The following ILDR1 variants were observed in gnomAD, a reference collection of about 807,000 sequenced individuals.
The protein encoded by ILDR1 is immunoglobulin-like domain-containing receptor 1.
ILDR1 carries 56 observed loss-of-function variants against 62.4 expected under a neutral mutation model. The observed-to-expected ratio is 0.90, with a 90% CI of 0.72 to 1.12. The LOEUF (loss-of-function observed/expected upper bound fraction) is 1.12. Ranked by LOEUF, ILDR1 falls within the 50% of genes most tolerant of loss-of-function variation. The pLI is 0.00. For synonymous variants in ILDR1, 284 were observed against 277.8 expected (o/e 1.02, Z -0.22); for missense variants, 736 against 710.6 (o/e 1.04, Z -0.41).
At chr3:122,059,391 G>A in the ILDR1 span, among the ~76,000 whole-genome samples, 1 of 152,024 alleles carries the variant, frequency 6.6e-6, no homozygotes, top group Non-Finnish European at 1.5e-5. Flanking sequence ...GAAAAGTGGT[G>A]TCATAGAAAT....
the ILDR1 span, among the ~76,000 whole-genome samples, chr3:122,051,429 A>G: frequency 6.6e-6 from 1 of 152,110 alleles, no homozygotes; most frequent in East Asian, 1.9e-4. Context: ...CCTCTAGTGA[A>G]TGTTTTAGTT....
intron 1 of ILDR1, among the ~76,000 whole-genome samples, chr3:122,010,035 G>A (rs934971135): frequency 6.6e-6 from 1 of 152,232 alleles, no homozygotes; most frequent in Non-Finnish European, 1.5e-5. Context: ...GAAAGGAAAT[G>A]ATTTAACCTA....
At position 122,005,325 on chromosome 3, in the gene ILDR1, G is replaced by A. The variant is rs747963872; in HGVS notation, c.298C>T (p.Arg100Cys). ...NDCNDNQREVRIVAQRRGQNE... is the reference protein window; with the variant it reads ...NDCNDNQREVCIVAQRRGQNE... ...TGCCCCCGCCGCTGGGCCACTATGC[G>A]AACTTCCCGCTGGTTGTCGTTGCAG... is the stretch of plus-strand genomic sequence containing the variant. Residue 100 changes from arginine to cysteine, a missense_variant, in exon 3 of 8, where the codon CGC (arginine) becomes TGC (cysteine). By Grantham distance (180) the Arg-to-Cys change is radical (BLOSUM62 -3). Transcript: ENST00000344209. The A allele has an allele frequency of 6.2e-6, 10 of 1,613,876 alleles. No individual in the cohort carries two copies. Among genetic ancestry groups the A allele is most frequent in the East Asian group, 2.2e-5 (1 of 44,876 alleles).
At chr3:122,003,406 A>G (rs1196276811) in intron 3 of ILDR1, among the ~76,000 whole-genome samples, 1 of 152,116 alleles carries the variant, frequency 6.6e-6, no homozygotes, top group African/African-American at 2.4e-5. Flanking sequence ...AAATAAGCTT[A>G]CCCCAGACTT....
chr3:122,010,699 A>G (rs2071690762), intron 1 of ILDR1, among the ~76,000 whole-genome samples: 1 of 152,232 alleles, frequency 6.6e-6, no homozygotes, highest in African/African-American at 2.4e-5. Flanking sequence ...TCTGAATAGT[A>G]GAAGCAGCCA....
At chr3:122,026,893 T>C (rs73855501), upstream of ILDR1, among the ~76,000 whole-genome samples, 1,307 of 151,662 alleles carry the variant, frequency 8.6e-3, 16 homozygotes, top group African/African-American at 0.029. Flanking sequence ...AATATTACGT[T>C]ATCTACACAG....
intron 7 of ILDR1, among the ~76,000 whole-genome samples, chr3:121,989,958 T>C (rs553806615): frequency 1.3e-5 from 2 of 152,332 alleles, no homozygotes; most frequent in South Asian, 2.1e-4. Flanking sequence ...AAATGAAGTA[T>C]TTTAAATAAG....
intron 1 of ILDR1, among the ~76,000 whole-genome samples, chr3:122,015,016 A>T (rs566303328): frequency 6.6e-6 from 1 of 152,350 alleles, no homozygotes; most frequent in Non-Finnish European, 1.5e-5. Context: ...GCCAGTCATT[A>T]GTAGAAAATA....
chr3:122,026,551 A>C (rs972934821), upstream of ILDR1, among the ~76,000 whole-genome samples: 14 of 152,250 alleles, frequency 9.2e-5, no homozygotes, highest in African/African-American at 3.4e-4. Context: ...ATTGCGCTAG[A>C]GAGTACTGGA....
In ILDR1 at chr3:121,993,436, G is replaced by T; in HGVS notation, c.1313C>A (p.Pro438His). 1 of 1,614,078 alleles carries T rather than the reference G, an allele frequency of 6.2e-7. No individual in the cohort carries two copies. The highest frequency in any genetic ancestry group is 8.5e-7 in the Non-Finnish European group (1 of 1,179,984). The change falls in exon 7 of 8, where the codon CCT (proline) becomes CAT (histidine). Residue 438 changes from proline to histidine, a missense_variant. Coordinates refer to ENST00000344209, the MANE Select transcript of ILDR1 (RefSeq NM_001199799.2). ...SEARWRPSHP[P>H]FRSRCQERPR... ...CCTCTCCTGACAGCGGCTCCTGAAA[G>T]GAGGGTGGCTCGGCCGCCAGCGTGC...
the ILDR1 span, among the ~76,000 whole-genome samples, chr3:122,047,903 C>G: frequency 7.2e-5 from 11 of 152,352 alleles, no homozygotes; most frequent in East Asian, 1.9e-4. Context: ...AGCTGTAGAC[C>G]GGAGCTGTTC....
intron 1 of ILDR1, among the ~76,000 whole-genome samples, chr3:122,013,403 G>A (rs1227126172): frequency 1.3e-5 from 2 of 152,132 alleles, no homozygotes; most frequent in Non-Finnish European, 2.9e-5. Context: ...GCAGGTCTTT[G>A]CCGGCAAGGG....
At chr3:122,045,358 T>C in the ILDR1 span, among the ~76,000 whole-genome samples, 2 of 151,356 alleles carry the variant, frequency 1.3e-5, no homozygotes, top group East Asian at 3.9e-4. Flanking sequence ...AATTTTGGAA[T>C]AGGTGTGGTG....
Position 121,993,242 on chromosome 3 carries a change from G to A in ILDR1, c.1507C>T (p.His503Tyr), listed in dbSNP as rs745614639. The A allele has an allele frequency of 8.1e-6, 13 of 1,613,824 alleles. No homozygotes were observed. In the Admixed American group the frequency reaches 2.2e-4, roughly 27 times the overall value. ...RAHRRGSHSP[H>Y]WPEEKPPSYR... is the part of the protein sequence containing the mutation. ...CTAGGCGGCTTCTCCTCGGGCCAGT[G>A]TGGGGAGTGCGAGCCGCGGCGGTGG... Residue 503 changes from histidine to tyrosine, a missense_variant, in exon 7 of 8, where the codon CAC (histidine) becomes TAC (tyrosine). By Grantham distance (83) the His-to-Tyr change is moderately conservative (BLOSUM62 2). Transcript: ENST00000344209.
chr3:122,033,656 G>A, the ILDR1 span, among the ~76,000 whole-genome samples: 1 of 151,978 alleles, frequency 6.6e-6, no homozygotes, highest in Non-Finnish European at 1.5e-5. Context: ...CAATCCACGT[G>A]GAACTGAGCT....
chr3:122,060,303 C>A, the ILDR1 span, among the ~76,000 whole-genome samples: 1 of 152,220 alleles, frequency 6.6e-6, no homozygotes, highest in Non-Finnish European at 1.5e-5. Context: ...TTGCAGAACA[C>A]TCCCAGTTGA....
At chr3:122,045,178 C>T in the ILDR1 span, among the ~76,000 whole-genome samples, 1 of 150,024 alleles carries the variant, frequency 6.7e-6, no homozygotes, top group Non-Finnish European at 1.5e-5. Flanking sequence ...GTTATGTACC[C>T]AGTAGTCATT....
the ILDR1 span, among the ~76,000 whole-genome samples, chr3:122,060,572 G>A: frequency 2.0e-5 from 3 of 152,040 alleles, no homozygotes; most frequent in South Asian, 2.1e-4. Context: ...GGCTTGAGGC[G>A]AGGAGTTCCG....
chr3:122,022,225 T>A lies in ILDR1; in HGVS notation c.-148A>T. 1 of 673,806 alleles carries A rather than the reference T, an allele frequency of 1.5e-6. No homozygotes were observed. The highest frequency in any genetic ancestry group is 2.4e-6 in the Non-Finnish European group (1 of 412,274). 41.7% of individuals were successfully genotyped at this position (673,806 alleles called of 1,614,324 possible). A position where few individuals can be genotyped will look rare whatever the true frequency, so the allele number is the denominator to read the frequency against. On this transcript the variant is annotated 5_prime_UTR_variant, in exon 1 of 8. Coordinates refer to ENST00000344209, the MANE Select transcript of ILDR1 (RefSeq NM_001199799.2). ...CGCAGCGGGGAGGGAGCGTCCGCTCTGGTCCCGGGGCAGGTGCCGCCCGGC... is the reference window on the plus strand; with the variant it reads ...CGCAGCGGGGAGGGAGCGTCCGCTCAGGTCCCGGGGCAGGTGCCGCCCGGC...
Sources: allele counts gnomAD v4.1 joint callset (sites outside exome capture counted in the v4.1 genomes callset), GRCh38; gene constraint gnomAD v4.1.1; transcripts MANE v1.5; gene names NCBI Gene and HGNC (gene_info 2026-07-23, HGNC 2026-07-21).